The following CACNA1E variants were observed in gnomAD, a reference collection of about 807,000 sequenced individuals.
CACNA1E encodes the protein voltage-dependent R-type calcium channel subunit alpha-1E.
CACNA1E carries 40 observed loss-of-function variants against 259.2 expected under a neutral mutation model. The ratio of observed to expected loss-of-function variants is 0.15; its 90% CI spans 0.12 to 0.20. CACNA1E has a LOEUF of 0.20. Ranked by LOEUF, CACNA1E falls within the 10% of genes least tolerant of loss-of-function variation. The pLI is 1.00. For missense variants in CACNA1E, 1,874 were observed against 3,040.1 expected, an observed-to-expected ratio of 0.62 and a Z score of 9.02; for synonymous variants, 1,104 against 1,138.5, an observed-to-expected ratio of 0.97 and a Z score of 0.61.
chr1:181,625,562 A>G (rs1389811060), intron 6 of CACNA1E, among the ~76,000 whole-genome samples: 1 of 152,124 alleles, frequency 6.6e-6, no homozygotes, highest in Non-Finnish European at 1.5e-5. Flanking sequence ...CTAGTTTCCA[A>G]CTTCTGCAGC....
chr1:181,542,475 G>T (rs1221046166), intron 3 of CACNA1E, among the ~76,000 whole-genome samples: 1 of 152,076 alleles, frequency 6.6e-6, no homozygotes. Context: ...CATGTCAAGG[G>T]GGAGATCAGG....
intron 32 of CACNA1E, among the ~76,000 whole-genome samples, chr1:181,762,261 C>T (rs1658647926): frequency 6.6e-6 from 1 of 152,054 alleles, no homozygotes; most frequent in African/African-American, 2.4e-5. Context: ...TTTTTAAATA[C>T]ATAAATATTT....
chr1:181,446,911 G>A (rs1185516861), intron 2 of CACNA1E, among the ~76,000 whole-genome samples: 1 of 151,940 alleles, frequency 6.6e-6, no homozygotes, highest in African/African-American at 2.4e-5. Flanking sequence ...AGTATTCTTA[G>A]GAGTGCTGTT....
intron 1 of CACNA1E, among the ~76,000 whole-genome samples, chr1:181,357,599 T>C (rs1464496794): frequency 6.6e-6 from 1 of 152,184 alleles, no homozygotes; most frequent in East Asian, 1.9e-4. Context: ...AAGTCCTAGA[T>C]AGGATTGCCT....
intron 1 of CACNA1E, among the ~76,000 whole-genome samples, chr1:181,505,943 G>A (rs1217548299): frequency 6.6e-6 from 1 of 152,210 alleles, no homozygotes; most frequent in Non-Finnish European, 1.5e-5. Context: ...GGCAGGCAAG[G>A]TCCTGCCCTG....
At chr1:181,606,838 G>A (rs992832054) in intron 6 of CACNA1E, among the ~76,000 whole-genome samples, 1 of 152,240 alleles carries the variant, frequency 6.6e-6, no homozygotes, top group African/African-American at 2.4e-5. Context: ...TTCTTCCTTC[G>A]GCGGCCCCTC....
intron 1 of CACNA1E, among the ~76,000 whole-genome samples, chr1:181,377,342 A>C (rs182252887): frequency 6.6e-6 from 1 of 152,354 alleles, no homozygotes; most frequent in East Asian, 1.9e-4. Context: ...TTGTGTGAGC[A>C]AAGGCCAGAA....
intron 1 of CACNA1E, among the ~76,000 whole-genome samples, chr1:181,509,819 T>C (rs2102614570): frequency 6.6e-6 from 1 of 152,358 alleles, no homozygotes; most frequent in East Asian, 1.9e-4. Flanking sequence ...CTGTTTCATA[T>C]AGATGCAGAC....
rs1309105226 is a variant in CACNA1E at position 181,803,285 on chromosome 1, G to C, written c.*4451G>C. The stretch of plus-strand genomic sequence containing the variant: ...TGGGTCCCTTGCAAGTGGCCAGACA[G>C]GGAATGATGGTTTGACTCCAGAAAT... On this transcript the variant is annotated 3_prime_UTR_variant, in exon 48 of 48. Transcript: ENST00000367573. 1 of 152,244 alleles carries C rather than the reference G, an allele frequency of 6.6e-6. No homozygotes were observed. The highest frequency in any genetic ancestry group is 1.9e-4 in the East Asian group (1 of 5,196). 9.4% of individuals were successfully genotyped at this position (152,244 alleles called of 1,614,324 possible).
intron 1 of CACNA1E, among the ~76,000 whole-genome samples, chr1:181,487,909 A>C (rs550163): frequency 0.3 from 45,553 of 152,122 alleles, 6,901 homozygotes; most frequent in Admixed American, 0.36. Flanking sequence ...AGCAGGGGAG[A>C]ACATGCTTCG....
intron 18 of CACNA1E, among the ~76,000 whole-genome samples, chr1:181,728,407 G>T (rs903420738): frequency 2.6e-5 from 4 of 152,226 alleles, no homozygotes; most frequent in African/African-American, 4.8e-5. Context: ...GTGGAAGGAC[G>T]TGCTGCAAAC....
chr1:181,539,246 C>G (rs1177018471), intron 3 of CACNA1E, among the ~76,000 whole-genome samples: 1 of 152,222 alleles, frequency 6.6e-6, no homozygotes, highest in Non-Finnish European at 1.5e-5. Flanking sequence ...ACATTAGTAT[C>G]TCCTCCACTA....
intron 9 of CACNA1E, 139 bp from the exon 10 acceptor site, chr1:181,715,901 C>T: frequency 1.6e-6 from 1 of 636,636 alleles, no homozygotes; most frequent in Non-Finnish European, 2.9e-6. Context: ...GTTACCCTGG[C>T]TCAGGTATTA....
At chr1:181,790,345 C>A in intron 43 of CACNA1E, 100 bp from the exon 44 acceptor site, 24 of 535,722 alleles carry the variant, frequency 4.5e-5, no homozygotes, top group Non-Finnish European at 4.7e-5. Flanking sequence ...ACTAGGTTTA[C>A]AAAAGCCAGC....
intron 1 of CACNA1E, among the ~76,000 whole-genome samples, chr1:181,394,781 C>A (rs1339442829): frequency 1.3e-5 from 2 of 152,092 alleles, no homozygotes; most frequent in Admixed American, 1.3e-4. Flanking sequence ...GCATTCCAGA[C>A]AGAAGAAACA....
At chr1:181,716,371 C>G (rs1009064039) in intron 10 of CACNA1E, among the ~76,000 whole-genome samples, 3 of 151,760 alleles carry the variant, frequency 2.0e-5, no homozygotes, top group African/African-American at 7.3e-5. Context: ...AGAATCCAAC[C>G]CAAGTTTTTC....
At chr1:181,369,383 G>C (rs1242239377) in intron 1 of CACNA1E, among the ~76,000 whole-genome samples, 1 of 152,230 alleles carries the variant, frequency 6.6e-6, no homozygotes, top group East Asian at 1.9e-4. Context: ...GGTGTCACGA[G>C]CCTTGCTCTG....
intron 27 of CACNA1E, among the ~76,000 whole-genome samples, chr1:181,752,869 C>A (rs1657721152): frequency 6.6e-6 from 1 of 152,224 alleles, no homozygotes. Context: ...CCCTCCTCAA[C>A]TCCCCTGGGG....
Position 181,763,419 on chromosome 1 carries a change from G to A in CACNA1E, c.4703G>A (p.Ser1568Asn), listed in dbSNP as rs1280033394. ...TTGGTCCACCAGCTGGTGAACACCA[G>A]TGGCTTCAATATGAGCTTTCTGAAG... ...ILTDSKLVNT[S>N]GFNMSFLKLF... is the part of the protein sequence containing the mutation. Residue 1568 changes from serine (S) to asparagine (N), a missense_variant, in exon 34 of 48, where the codon AGT (serine) becomes AAT (asparagine). By Grantham distance (46) the Ser-to-Asn change is conservative (BLOSUM62 1). Around this residue, in one of 14 missense-constraint regions of CACNA1E, gnomAD observed 188 missense variants for 540.6 expected, o/e 0.35. Transcript: ENST00000367573. The A allele has an allele frequency of 1.1e-5, 17 of 1,593,636 alleles. No individual in the cohort carries two copies. The Admixed American group carries it at 2.9e-4, about 27-fold the overall frequency.
Sources: allele counts gnomAD v4.1 joint callset (sites outside exome capture counted in the v4.1 genomes callset), GRCh38; gene constraint gnomAD v4.1.1; regional missense constraint gnomAD v4.1.1; transcripts MANE v1.5; gene names NCBI Gene and HGNC (gene_info 2026-07-23, HGNC 2026-07-21).